Variants in LINGO2 observed in about 807,000 individuals in gnomAD.
LINGO2 encodes leucine rich repeat and Ig domain containing 2, also known as leucine-rich repeat and immunoglobulin-like domain-containing nogo receptor-interacting protein 2.
Under a neutral mutation model 30.6 loss-of-function variants are expected in LINGO2, and 14 were observed. The observed-to-expected ratio is 0.46, with a 90% CI of 0.30 to 0.72. The LOEUF (loss-of-function observed/expected upper bound fraction) is 0.72. Among genes scored for constraint, LINGO2 ranks in the 30% least tolerant of loss-of-function variants. LINGO2 has a pLI of 0.07. For synonymous variants in LINGO2, 317 were observed against 288.5 expected (o/e 1.10, Z -1.00); for missense variants, 729 against 751.7 (o/e 0.97, Z 0.35).
At chr9:28,658,446 T>C (rs1361662110) in intron 1 of LINGO2, among the ~76,000 whole-genome samples, 2 of 152,102 alleles carry the variant, frequency 1.3e-5, no homozygotes, top group Admixed American at 1.3e-4. Flanking sequence ...ATCTTTATAA[T>C]TATTACATCT....
chr9:28,564,714 G>C (rs1260224347), intron 1 of LINGO2, among the ~76,000 whole-genome samples: 1 of 152,036 alleles, frequency 6.6e-6, no homozygotes, highest in Non-Finnish European at 1.5e-5. Context: ...ACCTATGCTT[G>C]CACCAATAAA....
At chr9:28,450,108 C>T (rs1322855922) in intron 2 of LINGO2, among the ~76,000 whole-genome samples, 1 of 152,008 alleles carries the variant, frequency 6.6e-6, no homozygotes, top group African/African-American at 2.4e-5. Context: ...ATGACTGAAA[C>T]ACATCTGAAC....
the LINGO2 span, among the ~76,000 whole-genome samples, chr9:28,758,934 A>G: frequency 6.6e-6 from 1 of 152,068 alleles, no homozygotes. Flanking sequence ...CCTCAAATCT[A>G]AAACAATATT....
intron 3 of LINGO2, among the ~76,000 whole-genome samples, chr9:28,357,322 C>CG (rs1014858289): frequency 6.9e-6 from 1 of 144,344 alleles, no homozygotes; most frequent in African/African-American, 2.6e-5. Flanking sequence ...AAAGCCCACC[C>CG]CCCCCAAAAA....
the LINGO2 span, among the ~76,000 whole-genome samples, chr9:29,172,279 A>C: frequency 6.6e-6 from 1 of 151,994 alleles, no homozygotes; most frequent in East Asian, 1.9e-4. Context: ...GATAATTTTA[A>C]TCTATCCACT....
At chr9:28,785,892 C>A in the LINGO2 span, among the ~76,000 whole-genome samples, 5 of 152,306 alleles carry the variant, frequency 3.3e-5, no homozygotes, top group Middle Eastern at 0.014. Flanking sequence ...ATTAATTCTT[C>A]ATGACAAAAT....
chr9:28,044,334 A>G (rs1824320292), intron 4 of LINGO2, among the ~76,000 whole-genome samples: 1 of 152,178 alleles, frequency 6.6e-6, no homozygotes, highest in Admixed American at 6.5e-5. Context: ...AAATTATATC[A>G]AATTTTTTAA....
the LINGO2 span, among the ~76,000 whole-genome samples, chr9:29,134,003 G>C: frequency 6.6e-6 from 1 of 152,034 alleles, no homozygotes; most frequent in African/African-American, 2.4e-5. Context: ...ATAATATAAG[G>C]CTCTATACTT....
At chr9:28,364,961 CAAG>C (rs760334337) in intron 3 of LINGO2, among the ~76,000 whole-genome samples, 38 of 151,808 alleles carry the variant, frequency 2.5e-4, no homozygotes, top group Non-Finnish European at 4.9e-4. Context: ...GTGTAAATAC[CAAG>C]AAGAATAGGA....
At chr9:28,975,943 A>C in the LINGO2 span, among the ~76,000 whole-genome samples, 1 of 152,200 alleles carries the variant, frequency 6.6e-6, no homozygotes, top group Non-Finnish European at 1.5e-5. Context: ...TCACTGTATC[A>C]ATTATGCAAC....
rs35987388 is a variant in LINGO2 at position 28,657,256 on chromosome 9, AT to A, written c.-365+12943del. On this transcript the variant is annotated intron_variant, in intron 1 of 5. Coordinates refer to ENST00000379992, the Ensembl canonical transcript of LINGO2. ...TTTAATTGGCATCTAGTACCCTGAT[AT>A]TTTTTTACTGCCATCACCACCACCC... 4.8e-3 allele frequency among the ~76,000 whole-genome samples: 727 copies of A among 152,012 alleles called. 9 individuals carry two copies. The highest frequency in any genetic ancestry group is 0.016 in the African/African-American group (681 of 41,496).
chr9:28,626,521 T>C (rs1826685747), intron 1 of LINGO2, among the ~76,000 whole-genome samples: 1 of 152,110 alleles, frequency 6.6e-6, no homozygotes, highest in South Asian at 2.1e-4. Context: ...TTAATTTTTG[T>C]TAGTAGTACA....
chr9:28,413,754 T>C (rs992936286), intron 2 of LINGO2, among the ~76,000 whole-genome samples: 2 of 152,070 alleles, frequency 1.3e-5, no homozygotes, highest in African/African-American at 4.8e-5. Flanking sequence ...ACTGATCCTT[T>C]CTGCTTCACA....
chr9:28,195,024 A>T (rs894946499), intron 4 of LINGO2, among the ~76,000 whole-genome samples: 2 of 152,058 alleles, frequency 1.3e-5, no homozygotes, highest in African/African-American at 4.8e-5. Context: ...AAACAAAACA[A>T]AACAAAAAGG....
chr9:28,189,693 AAGGGAGGG>A lies in LINGO2; in HGVS notation c.-87+105507_-87+105514del, dbSNP rs751293533. Among the ~76,000 whole-genome samples, 76 of 31,160 alleles carry A rather than the reference AAGGGAGGG, an allele frequency of 2.4e-3. 9 individuals carry two copies. The highest frequency in any genetic ancestry group is 0.013 in the East Asian group (14 of 1,068). 20.4% of individuals were successfully genotyped at this position (31,160 alleles called of 152,430 possible). On this transcript the variant is annotated intron_variant, in intron 4 of 5. Transcript: ENST00000379992. ...GGAGGAAGGAAGGAAGGGAGGAAGG[AAGGGAGGG>A]AGGAAGGAAGGAAGGAAGGAAGGTT...
the LINGO2 span, among the ~76,000 whole-genome samples, chr9:28,835,260 G>C: frequency 1.7e-4 from 26 of 152,168 alleles, no homozygotes; most frequent in Non-Finnish European, 3.4e-4. Flanking sequence ...GGAATTTACA[G>C]GAATCACTTA....
intron 4 of LINGO2, among the ~76,000 whole-genome samples, chr9:28,097,275 G>A (rs141514173): frequency 0.012 from 1,755 of 152,140 alleles, 33 homozygotes; most frequent in African/African-American, 0.04. Context: ...AAGTCAGTGC[G>A]GCGATTCCTC....
At position 28,129,107 on chromosome 9, in the gene LINGO2, G is replaced by T. The variant is rs1216457261; in HGVS notation, c.-86-116702C>A. 6.6e-6 allele frequency among the ~76,000 whole-genome samples: 1 copy of T among 152,084 alleles called. No homozygotes were observed. The highest frequency in any genetic ancestry group is 6.5e-5 in the Admixed American group (1 of 15,270). ...CCAGAGGTTTGCCAGAGGCTCTCAG[G>T]CCTTTGACCATAGAATGAAGCCTGC... On this transcript the variant is annotated intron_variant, in intron 4 of 5. Transcript: ENST00000379992. The surrounding 1 kb of genome is among the most constrained non-coding windows in gnomAD (Gnocchi z 4.0).
At chr9:28,657,010 G>A (rs1828373726) in intron 1 of LINGO2, among the ~76,000 whole-genome samples, 1 of 152,054 alleles carries the variant, frequency 6.6e-6, no homozygotes, top group South Asian at 2.1e-4. Context: ...TTCTGCAAAT[G>A]AATCATAAGC....
Sources: gnomAD v4.1 joint callset for allele counts (sites outside exome capture counted in the v4.1 genomes callset) on GRCh38, gnomAD v4.1.1 for gene constraint, Gnocchi (gnomAD v3.1) non-coding constraint, MANE v1.5 for transcripts, NCBI Gene and HGNC (gene_info 2026-07-23, HGNC 2026-07-21) for gene names.